The following SLC2A3 variants were observed in gnomAD, a reference collection of about 807,000 sequenced individuals.
SLC2A3 encodes solute carrier family 2 member 3.
SLC2A3 carries 21 observed loss-of-function variants against 46.4 expected under a neutral mutation model. The ratio of observed to expected loss-of-function variants is 0.45; its 90% CI spans 0.32 to 0.65. The LOEUF (loss-of-function observed/expected upper bound fraction) is 0.65, where lower values mean the gene tolerates loss of function less well. SLC2A3 is among the 30% of genes least tolerant of loss of function. The pLI is 0.04. For missense variants in SLC2A3, 499 were observed against 623.3 expected (o/e 0.80, Z 2.12); for synonymous variants, 213 against 239.4 (o/e 0.89, Z 1.02).
intron 7 of SLC2A3, 92 bp downstream of exon 7, chr12:7,925,752 A>C: frequency 1.0e-6 from 1 of 991,580 alleles, no homozygotes; most frequent in Non-Finnish European, 1.6e-6. Context: ...CAAAAAGGTA[A>C]CTAAATGATG....
chr12:7,931,651 C>A (rs747759481), intron 3 of SLC2A3, among the ~76,000 whole-genome samples, 166 bp from the exon 4 acceptor site: 1 of 151,558 alleles, frequency 6.6e-6, no homozygotes, highest in South Asian at 2.1e-4. Flanking sequence ...AGTTGGGAAC[C>A]AGGTGTGATG....
In SLC2A3 at chr12:7,930,760, T is replaced by G. The variant is rs1022468387; in HGVS notation, c.511-118A>C. 42 of 1,139,068 alleles carry G rather than the reference T, an allele frequency of 3.7e-5. No homozygotes were observed. In the East Asian group the frequency reaches 1.1e-3, roughly 29 times the overall value. 70.6% of individuals were successfully genotyped at this position (1,139,068 alleles called of 1,614,324 possible). On this transcript the variant is annotated intron_variant, in intron 4 of 9. Coordinates refer to ENST00000075120, the MANE Select transcript of SLC2A3 (RefSeq NM_006931.3). ...TTTACCATGTGAAAAAATAAACAAA[T>G]TGTGTTTCTTTTCCTTTCTCTACTC...
chr12:7,921,179 G>A lies in SLC2A3; in HGVS notation c.*234C>T. ...AGCGGCCAATCCCTCCTGAAATGAAGGTAGGTTCACTCGGTCTCTCCTAAG... is the reference window on the plus strand; with the variant it reads ...AGCGGCCAATCCCTCCTGAAATGAAAGTAGGTTCACTCGGTCTCTCCTAAG... On this transcript the variant is annotated 3_prime_UTR_variant, in exon 10 of 10. Coordinates refer to ENST00000075120, the MANE Select transcript of SLC2A3 (RefSeq NM_006931.3). The A allele has an allele frequency of 1.1e-6, 1 of 876,392 alleles. No homozygotes were observed. Among genetic ancestry groups the A allele is most frequent in the Non-Finnish European group, 1.7e-6 (1 of 578,804 alleles). 54.3% of individuals were successfully genotyped at this position (876,392 alleles called of 1,614,324 possible). A position where few individuals can be genotyped will look rare whatever the true frequency, so the allele number is the denominator to read the frequency against.
chr12:7,931,310 C>A lies in SLC2A3; in HGVS notation c.445G>T (p.Ala149Ser), dbSNP rs1350360519. Residue 149 changes from alanine to serine, a missense_variant, in exon 4 of 10, where the codon GCC becomes TCC. By Grantham distance (99) the Ala-to-Ser change is moderately conservative. Around this residue, in one of 5 missense-constraint regions of SLC2A3, gnomAD observed 248 missense variants for 284.0 expected, o/e 0.87. Coordinates refer to ENST00000075120, the MANE Select transcript of SLC2A3 (RefSeq NM_006931.3). ...AGAGTGCCAAAGGCACCCCGCAGGG[C>A]AGTAGGCGAGATCTCTCCAATGTAC... ...PMYIGEISPT[A>S]LRGAFGTLNQ... 6.2e-7 allele frequency: 1 copy of A among 1,614,108 alleles called. No individual in the cohort carries two copies. Among genetic ancestry groups the A allele is most frequent in the Admixed American group, 1.7e-5 (1 of 60,002 alleles).
At chr12:7,935,479 C>A in intron 1 of SLC2A3, among the ~76,000 whole-genome samples, 1 of 152,120 alleles carries the variant, frequency 6.6e-6, no homozygotes, top group Non-Finnish European at 1.5e-5. Context: ...TTTCTCCCTG[C>A]AAATAATGCA....
At chr12:7,929,368 TTAAAC>T in intron 6 of SLC2A3, 1 of 305,768 alleles carries the variant, frequency 3.3e-6, no homozygotes, top group Admixed American at 4.5e-5. Flanking sequence ...CATGCCCTCT[TTAAAC>T]TACCATGCTC....
At chr12:7,930,763 T>G in intron 4 of SLC2A3, 121 bp from the exon 5 acceptor site, 1 of 1,140,036 alleles carries the variant, frequency 8.8e-7, no homozygotes, top group Non-Finnish European at 1.2e-6. Flanking sequence ...AAACAAATTG[T>G]GTTTCTTTTC....
intron 1 of SLC2A3, among the ~76,000 whole-genome samples, chr12:7,934,186 C>G (rs1946189211): frequency 1.3e-5 from 2 of 152,090 alleles, no homozygotes; most frequent in African/African-American, 4.8e-5. Context: ...TATTTAAAAA[C>G]TTGCATCAGG....
chr12:7,923,041 CAG>C lies in SLC2A3; in HGVS notation c.1069-19_1069-18del. The C allele has an allele frequency of 6.2e-7, 1 of 1,601,456 alleles. No individual in the cohort carries two copies. Among genetic ancestry groups the C allele is most frequent in the Non-Finnish European group, 8.5e-7 (1 of 1,174,144 alleles). On this transcript the variant is annotated intron_variant, in intron 8 of 9. Transcript: ENST00000075120. ...ATAGTTATCCTGTAAGAGCAAGGAA[CAG>C]AGAAAATTAAATTTAAAGACAGTGT... is the stretch of plus-strand genomic sequence containing the variant.
rs146012904 is a variant in SLC2A3, at chr12:7,921,494, G to A, written c.1410C>T (p.His470=). ...CGTCCTTTCCAGATCTATCTGCACCGTGTGCCTGCCCTTCAAAGGCCCGTG... is the reference window on the plus strand; with the variant it reads ...CGTCCTTTCCAGATCTATCTGCACCATGTGCCTGCCCTTCAAAGGCCCGTG... ...DITRAFEGQA[H]GADRSGKDGV... Residue 470 remains histidine, a synonymous_variant, in exon 10 of 10, where the codon CAC becomes CAT. Coordinates refer to ENST00000075120, the MANE Select transcript of SLC2A3 (RefSeq NM_006931.3). The A allele has an allele frequency of 5.1e-5, 82 of 1,613,752 alleles. No homozygotes were observed. The highest frequency in any genetic ancestry group is 3.2e-4 in the African/African-American group (24 of 75,020).
chr12:7,933,766 A>T, intron 2 of SLC2A3, 44 bp downstream of exon 2: 1 of 1,590,764 alleles, frequency 6.3e-7, no homozygotes, highest in South Asian at 1.1e-5. Context: ...TTAAAGGAAT[A>T]ACTTCCCTAT....
rs1946023603 is a variant in SLC2A3 at position 7,920,431 on chromosome 12, T to C, written c.*982A>G. 1 of 152,082 alleles carries C rather than the reference T, an allele frequency of 6.6e-6. No individual in the cohort carries two copies. The allele number at this position is 152,082 out of a possible 1,614,324, so 9.4% of individuals were successfully genotyped here. A position where few individuals can be genotyped will look rare whatever the true frequency, so the allele number is the denominator to read the frequency against. On this transcript the variant is annotated 3_prime_UTR_variant, in exon 10 of 10. Coordinates refer to ENST00000075120, the MANE Select transcript of SLC2A3 (RefSeq NM_006931.3). ...AGAAATCACTTTCTCTTCCCTGGAC[T>C]CCATCCAAAATTAGAACCCATCAAC...
intron 6 of SLC2A3, among the ~76,000 whole-genome samples, chr12:7,927,034 C>T (rs765999461): frequency 1.2e-4 from 19 of 152,176 alleles, no homozygotes; most frequent in Non-Finnish European, 2.2e-4. Context: ...GTATTTGCCT[C>T]CATAGCAATA....
chr12:7,922,819 A>G lies in SLC2A3; in HGVS notation c.1272+2T>C. On this transcript the variant is annotated splice_donor_variant, in intron 9 of 9. Coordinates refer to ENST00000075120, the MANE Select transcript of SLC2A3 (RefSeq NM_006931.3). LOFTEE classifies it high-confidence loss of function. ...GTTTTAAGATAAGGTGAGTTTACTTACAGCAGCGGAGGGGAAGAGCAATCC... is the reference window on the plus strand; with the variant it reads ...GTTTTAAGATAAGGTGAGTTTACTTGCAGCAGCGGAGGGGAAGAGCAATCC... 6.2e-7 allele frequency: 1 copy of G among 1,613,962 alleles called. No homozygotes were observed. Among genetic ancestry groups the G allele is most frequent in the Non-Finnish European group, 8.5e-7 (1 of 1,179,882 alleles).
intron 5 of SLC2A3, 134 bp from the exon 6 acceptor site, chr12:7,930,005 G>A (rs892932199): frequency 2.0e-5 from 29 of 1,453,324 alleles, no homozygotes; most frequent in Middle Eastern, 1.8e-4. Context: ...TTTTTTTTGA[G>A]ACAGAGTTTC....
intron 1 of SLC2A3, among the ~76,000 whole-genome samples, chr12:7,934,796 C>T (rs1288607703): frequency 1.3e-5 from 2 of 152,024 alleles, no homozygotes; most frequent in African/African-American, 4.8e-5. Flanking sequence ...GGAGAAGTGA[C>T]CTTGCCTGCA....
intron 3 of SLC2A3, among the ~76,000 whole-genome samples, chr12:7,931,693 G>A (rs773468266): frequency 1.7e-4 from 26 of 151,978 alleles, no homozygotes; most frequent in South Asian, 1.2e-3. Context: ...CACTCAGGGA[G>A]CTGAGGTCGG....
In SLC2A3 at chr12:7,922,836, G is replaced by C. The variant is rs764011846; in HGVS notation, c.1257C>G (p.Leu419=). The C allele has an allele frequency of 6.2e-7, 1 of 1,614,018 alleles. No homozygotes were observed. Among genetic ancestry groups the C allele is most frequent in the Non-Finnish European group, 8.5e-7 (1 of 1,179,908 alleles). Residue 419 remains leucine (L), a synonymous_variant, in exon 9 of 10, where the codon CTC becomes CTG. Coordinates refer to ENST00000075120, the MANE Select transcript of SLC2A3 (RefSeq NM_006931.3). ...NWTSNFLVGL[L]FPSAAHYLGA... Reference sequence around the variant, plus strand: ...GTTTACTTACAGCAGCGGAGGGGAAGAGCAATCCGACTAGGAAGTTGGAGG... The same window carrying C: ...GTTTACTTACAGCAGCGGAGGGGAACAGCAATCCGACTAGGAAGTTGGAGG...
chr12:7,921,625 A>C lies in SLC2A3; in HGVS notation c.1279T>G (p.Leu427Val). 2 of 1,613,572 alleles carry C rather than the reference A, an allele frequency of 1.2e-6. No homozygotes were observed. Among genetic ancestry groups the C allele is most frequent in the Non-Finnish European group, 8.5e-7 (1 of 1,179,696 alleles). Residue 427 changes from leucine to valine, a missense_variant, in exon 10 of 10, where the codon TTA becomes GTA. Around this residue, in one of 5 missense-constraint regions of SLC2A3, gnomAD observed 179 missense variants for 205.1 expected, o/e 0.87. Transcript: ENST00000075120. ...GLLFPSAAHY[L>V]GAYVFIIFTG... ...AAGATAATAAAAACGTAGGCTCCTAAATAGTGCTAGAGAAAGGACAGAAAA... is the reference window on the plus strand; with the variant it reads ...AAGATAATAAAAACGTAGGCTCCTACATAGTGCTAGAGAAAGGACAGAAAA...
Sources: allele counts gnomAD v4.1 joint callset (sites outside exome capture counted in the v4.1 genomes callset), GRCh38; gene constraint gnomAD v4.1.1; regional missense constraint gnomAD v4.1.1; transcripts MANE v1.5; gene names NCBI Gene and HGNC (gene_info 2026-07-23, HGNC 2026-07-21).